The following PCSK5 variants were observed in gnomAD, a reference collection of about 807,000 sequenced individuals.
The protein encoded by PCSK5 is proprotein convertase subtilisin/kexin type 5.
PCSK5 carries 129 observed loss-of-function variants against 233.2 expected under a neutral mutation model. That is an observed-to-expected ratio of 0.55 (90% CI 0.48 to 0.64). PCSK5 has a LOEUF of 0.64. Among genes scored for constraint, PCSK5 ranks in the 30% least tolerant of loss-of-function variants. PCSK5 has a pLI of 0.00. For missense variants in PCSK5, 2,076 were observed against 2,430.1 expected (o/e 0.85, Z 3.06); for synonymous variants, 825 against 879.2 (o/e 0.94, Z 1.09).
intron 35 of PCSK5, among the ~76,000 whole-genome samples, chr9:76,343,314 A>C (rs1829887087): frequency 6.7e-6 from 1 of 149,414 alleles, no homozygotes. Flanking sequence ...ACAGGCACAC[A>C]CCACCGCACC....
At chr9:76,033,364 G>C (rs1828725320) in intron 5 of PCSK5, among the ~76,000 whole-genome samples, 1 of 152,126 alleles carries the variant, frequency 6.6e-6, no homozygotes, top group South Asian at 2.1e-4. Context: ...TAGTAGGTCA[G>C]ACAAAACTTA....
At chr9:76,138,358 T>G (rs1186134923) in intron 10 of PCSK5, among the ~76,000 whole-genome samples, 1 of 152,112 alleles carries the variant, frequency 6.6e-6, no homozygotes, top group Non-Finnish European at 1.5e-5. Context: ...GAGAATATCT[T>G]CTGTGGTGTC....
intron 20 of PCSK5, among the ~76,000 whole-genome samples, chr9:76,224,674 G>C (rs1825831626): frequency 6.6e-6 from 1 of 152,140 alleles, no homozygotes; most frequent in African/African-American, 2.4e-5. Flanking sequence ...TGGAGATGGG[G>C]TAATCTTTTG....
At chr9:75,909,468 G>C (rs1448431183) in intron 1 of PCSK5, among the ~76,000 whole-genome samples, 1 of 152,090 alleles carries the variant, frequency 6.6e-6, no homozygotes, top group Non-Finnish European at 1.5e-5. Flanking sequence ...GGCCGAGGCG[G>C]GCGAATCACC....
intron 1 of PCSK5, among the ~76,000 whole-genome samples, chr9:75,905,928 A>G (rs1163355022): frequency 6.6e-6 from 1 of 152,168 alleles, no homozygotes; most frequent in Non-Finnish European, 1.5e-5. Flanking sequence ...ACTGCTTTAA[A>G]TGGGTGATTT....
intron 3 of PCSK5, among the ~76,000 whole-genome samples, chr9:76,008,322 GT>G (rs962328878): frequency 6.6e-6 from 1 of 151,844 alleles, no homozygotes; most frequent in African/African-American, 2.4e-5. Flanking sequence ...GTTTCTCTTT[GT>G]TTTATCTTTA....
intron 5 of PCSK5, among the ~76,000 whole-genome samples, chr9:76,042,935 G>C (rs1829186097): frequency 6.6e-6 from 1 of 152,282 alleles, no homozygotes; most frequent in African/African-American, 2.4e-5. Context: ...TTATCACTGT[G>C]GGTTGGACTG....
rs530605577 is a variant in PCSK5, at chr9:75,892,651, A to G, written c.192+1278A>G. 1.4e-3 allele frequency among the ~76,000 whole-genome samples: 214 copies of G among 152,314 alleles called. 2 individuals are homozygous for G. Among genetic ancestry groups the G allele is most frequent in the Middle Eastern group, 0.01 (3 of 294 alleles). On this transcript the variant is annotated intron_variant, in intron 1 of 37. Transcript: ENST00000674117. The stretch of plus-strand genomic sequence containing the variant: ...TCTGAGGCCATTGCGTTCCACGCCC[A>G]GGAACCCGGGGACACCCCCCGCCCC...
At position 76,296,775 on chromosome 9, in the gene PCSK5, G is replaced by T; in HGVS notation, c.3433G>T (p.Glu1145Ter). ...CETCTGPGHD[E>*]CSSCQEGLQL... Reference sequence around the variant, plus strand: ...AACCTGCACAGGCCCTGGTCATGACGAGTGCAGCAGCTGCCAGGAAGGACT... The same window carrying T: ...AACCTGCACAGGCCCTGGTCATGACTAGTGCAGCAGCTGCCAGGAAGGACT... Residue 1145 changes from glutamate (E) to a stop codon, truncating the protein, a stop_gained, in exon 27 of 38, where the codon GAG (glutamate) becomes TAG (stop). Coordinates refer to ENST00000674117, the MANE Select transcript of PCSK5 (RefSeq NM_001372043.1). LOFTEE classifies it high-confidence loss of function. 6.2e-7 allele frequency: 1 copy of T among 1,611,576 alleles called. No individual in the cohort carries two copies. Among genetic ancestry groups the T allele is most frequent in the Non-Finnish European group, 8.5e-7 (1 of 1,178,794 alleles).
At chr9:76,046,663 G>A (rs373741026) in intron 5 of PCSK5, among the ~76,000 whole-genome samples, 2 of 144,302 alleles carry the variant, frequency 1.4e-5, no homozygotes, top group East Asian at 2.1e-4. Context: ...TGGGTTCACG[G>A]CATTCTCCTG....
intron 22 of PCSK5, among the ~76,000 whole-genome samples, chr9:76,235,163 G>A (rs1174818827): frequency 1.3e-5 from 2 of 152,166 alleles, no homozygotes; most frequent in African/African-American, 4.8e-5. Context: ...ATAACTGAAT[G>A]AATTAATGAA....
rs537729697 is a variant in PCSK5 at position 76,073,782 on chromosome 9, G to A, written c.894+1884G>A. Among the ~76,000 whole-genome samples, 7 of 152,220 alleles carry A rather than the reference G, an allele frequency of 4.6e-5. No individual in the cohort carries two copies. The East Asian group carries it at 5.8e-4, about 13-fold the overall frequency. ...TGGTTTTACTAACAGACTAGTAGGCGTGTCACTGAAGCAGAACACATGAAC... is the reference window on the plus strand; with the variant it reads ...TGGTTTTACTAACAGACTAGTAGGCATGTCACTGAAGCAGAACACATGAAC... On this transcript the variant is annotated intron_variant, in intron 7 of 37. Transcript: ENST00000674117.
intron 37 of PCSK5, among the ~76,000 whole-genome samples, chr9:76,355,409 C>G (rs1405234609): frequency 1.3e-5 from 2 of 151,920 alleles, no homozygotes; most frequent in African/African-American, 4.8e-5. Context: ...GGAGGCAGAG[C>G]TCGCAGTGAG....
intron 24 of PCSK5, among the ~76,000 whole-genome samples, chr9:76,259,175 A>C (rs1355087750): frequency 6.6e-6 from 1 of 152,094 alleles, no homozygotes; most frequent in Non-Finnish European, 1.5e-5. Context: ...CTTTTTTCAA[A>C]AGAGCCTTAT....
intron 1 of PCSK5, among the ~76,000 whole-genome samples, chr9:75,919,787 T>A (rs1372485227): frequency 6.6e-6 from 1 of 152,192 alleles, no homozygotes; most frequent in African/African-American, 2.4e-5. Context: ...GCTCTTCCCC[T>A]AGTCTGGGCC....
chr9:76,226,038 A>G (rs944628156), intron 20 of PCSK5, among the ~76,000 whole-genome samples: 1 of 152,162 alleles, frequency 6.6e-6, no homozygotes, highest in Admixed American at 6.5e-5. Flanking sequence ...CTGAAGTAAG[A>G]ATCACAGTCC....
rs561621227 is a variant in PCSK5 at position 76,245,401 on chromosome 9, T to C, written c.3142+4717T>C. ...TCACTGCCAAATAAGGGGACAAATA[T>C]ATGCACCAAAAGGATTTTTTAAAAA... On this transcript the variant is annotated intron_variant, in intron 24 of 37. Coordinates refer to ENST00000674117, the MANE Select transcript of PCSK5 (RefSeq NM_001372043.1). Among the ~76,000 whole-genome samples, 11 of 152,218 alleles carry C rather than the reference T, an allele frequency of 7.2e-5. No individual in the cohort carries two copies. The South Asian group carries it at 1.9e-3, about 26-fold the overall frequency.
chr9:75,994,713 C>T (rs1826937196), intron 3 of PCSK5, among the ~76,000 whole-genome samples: 1 of 151,972 alleles, frequency 6.6e-6, no homozygotes, highest in African/African-American at 2.4e-5. Flanking sequence ...TGAGCCAGTG[C>T]GCCCGGCCCC....
At chr9:75,939,556 G>A (rs1056851568) in intron 2 of PCSK5, among the ~76,000 whole-genome samples, 1 of 152,178 alleles carries the variant, frequency 6.6e-6, no homozygotes, top group African/African-American at 2.4e-5. Flanking sequence ...AGTTGGAAGG[G>A]TGTGAGGGGG....
Sources: gnomAD v4.1 joint callset for allele counts (sites outside exome capture counted in the v4.1 genomes callset) on GRCh38, gnomAD v4.1.1 for gene constraint, MANE v1.5 for transcripts, NCBI Gene and HGNC (gene_info 2026-07-23, HGNC 2026-07-21) for gene names.